SYT3: variants seen among roughly 807,000 people sequenced by gnomAD.
SYT3 encodes the protein synaptotagmin-3.
A neutral mutation model predicts 50.6 loss-of-function variants in SYT3; 25 were observed. That is an observed-to-expected ratio of 0.49 (90% CI 0.36 to 0.69). The LOEUF (loss-of-function observed/expected upper bound fraction) is 0.69. Among genes scored for constraint, SYT3 ranks in the 30% least tolerant of loss-of-function variants. SYT3 has a pLI of 0.00. For missense variants in SYT3, 589 were observed against 793.6 expected, an observed-to-expected ratio of 0.74 and a Z score of 3.10; for synonymous variants, 323 against 353.9, an observed-to-expected ratio of 0.91 and a Z score of 0.98.
chr19:50,632,453 C>T lies in SYT3; in HGVS notation c.507G>A (p.Glu169=), dbSNP rs372605965. The T allele has an allele frequency of 6.2e-6, 10 of 1,613,518 alleles. No individual in the cohort carries two copies. Among genetic ancestry groups the T allele is most frequent in the Non-Finnish European group, 8.5e-6 (10 of 1,179,886 alleles). The change falls in exon 4 of 11, where the codon GAG becomes GAA. Residue 169 remains glutamate, a synonymous_variant. Coordinates refer to ENST00000600079, the MANE Select transcript of SYT3 (RefSeq NM_001160329.2). This position sits in a 1 kb window ranked among gnomAD's most constrained non-coding sequence, Gnocchi z 4.7. ...CAGCGGCCACTGCTGCTGCTGCAGC[C>T]TCTGGATACGAGTCCATGTCCAAGT... is the stretch of plus-strand genomic sequence containing the variant. ...PSYLDMDSYP[E]AAAAAVAAGV...
upstream of SYT3, among the ~76,000 whole-genome samples, chr19:50,644,094 C>T (rs1378444370): frequency 6.6e-6 from 1 of 152,204 alleles, no homozygotes; most frequent in Non-Finnish European, 1.5e-5. Flanking sequence ...TTGTTTTGTT[C>T]ATAGCTGTGT....
chr19:50,629,144 A>T (rs1984181994), intron 6 of SYT3, 150 bp downstream of exon 6: 1 of 672,464 alleles, frequency 1.5e-6, no homozygotes, highest in African/African-American at 1.8e-5. Context: ...CTTGCCTGTA[A>T]GTTTGCAGTC....
chr19:50,630,026 G>A lies in SYT3; in HGVS notation c.820C>T (p.Leu274=). 6.2e-7 allele frequency: 1 copy of A among 1,614,072 alleles called. No individual in the cohort carries two copies. Among genetic ancestry groups the A allele is most frequent in the Non-Finnish European group, 8.5e-7 (1 of 1,179,990 alleles). ...AKLIGQIKPE[L]YQGTGPGGRR... Reference sequence around the variant, plus strand: ...CCACCAGGGCCAGTCCCCTGGTACAGCTCTGGCTTAATCTGCCCAATGAGT... The same window carrying A: ...CCACCAGGGCCAGTCCCCTGGTACAACTCTGGCTTAATCTGCCCAATGAGT... Residue 274 remains leucine (L), a synonymous_variant, in exon 5 of 11, where the codon CTG becomes TTG. Transcript: ENST00000600079.
upstream of SYT3, among the ~76,000 whole-genome samples, chr19:50,641,334 C>T (rs1285229839): frequency 4.0e-5 from 6 of 151,014 alleles, no homozygotes; most frequent in Non-Finnish European, 8.9e-5. Flanking sequence ...CGCCTGCCAC[C>T]GTGCCCGGCT....
chr19:50,625,339 C>G lies in SYT3; in HGVS notation c.1575-45G>C. The G allele has an allele frequency of 6.5e-7, 1 of 1,536,476 alleles. No individual in the cohort carries two copies. The highest frequency in any genetic ancestry group is 8.7e-7 in the Non-Finnish European group (1 of 1,143,178). ...AGGACCGTGGAGGGTGGTGGGAGGG[C>G]CTGTCCCCACCCCAGCCCTCCTGCC... On this transcript the variant is annotated intron_variant, in intron 8 of 10. Coordinates refer to ENST00000600079, the MANE Select transcript of SYT3 (RefSeq NM_001160329.2). This position sits in a 1 kb window ranked among gnomAD's most constrained non-coding sequence, Gnocchi z 7.5.
the SYT3 span, among the ~76,000 whole-genome samples, chr19:50,650,481 C>T: frequency 3.9e-4 from 59 of 152,314 alleles, no homozygotes; most frequent in Non-Finnish European, 6.6e-4. Flanking sequence ...GCCAGCCAGC[C>T]TGGCCAACAT....
chr19:50,652,470 G>A, the SYT3 span, among the ~76,000 whole-genome samples: 1 of 152,222 alleles, frequency 6.6e-6, no homozygotes, highest in African/African-American at 2.4e-5. Context: ...AATGGCATCA[G>A]TGGACCCTCA....
At position 50,637,419 on chromosome 19, in the gene SYT3, G is replaced by A. The variant is rs201745122; in HGVS notation, c.-8C>T. 151 of 1,591,232 alleles carry A rather than the reference G, an allele frequency of 9.5e-5. No homozygotes were observed. Among genetic ancestry groups the A allele is most frequent in the African/African-American group, 1.6e-4 (12 of 74,734 alleles). ...CTCGTAGTCTCCTGACATGGTGGCC[G>A]TCTGGTCCTGTGTGTGGGAGGGATG... On this transcript the variant is annotated 5_prime_UTR_variant, in exon 3 of 11. The change creates a new upstream start codon in the 5' untranslated region. Coordinates refer to ENST00000600079, the MANE Select transcript of SYT3 (RefSeq NM_001160329.2). The surrounding 1 kb of genome is among the most constrained non-coding windows in gnomAD (Gnocchi z 4.9).
upstream of SYT3, among the ~76,000 whole-genome samples, chr19:50,642,877 G>A (rs993969005): frequency 1.3e-5 from 2 of 152,142 alleles, no homozygotes; most frequent in African/African-American, 4.8e-5. Flanking sequence ...ATCTCACTGG[G>A]TTATTTTGAG....
the SYT3 span, chr19:50,658,013 G>C: frequency 6.5e-7 from 1 of 1,535,190 alleles, no homozygotes; most frequent in East Asian, 2.4e-5. Flanking sequence ...TACCCACCTG[G>C]AGGTGCTGCA....
rs140361699 is a variant in SYT3 at position 50,631,579 on chromosome 19, T to G, written c.674+707A>C. On this transcript the variant is annotated intron_variant, in intron 4 of 10. Transcript: ENST00000600079. ...ATGCACTAGGATCTCGTTCTCCTCT[T>G]GTCTTTGCCTGGGCCTCTCCTTTCA... Among the ~76,000 whole-genome samples the G allele has an allele frequency of 1.3e-4, 20 of 152,274 alleles. No homozygotes were observed. The East Asian group carries it at 3.9e-3, about 29-fold the overall frequency.
chr19:50,627,726 CAA>C (rs36099001), intron 6 of SYT3, among the ~76,000 whole-genome samples: 3,402 of 96,394 alleles, frequency 0.035, 43 homozygotes, highest in African/African-American at 0.061. Context: ...GACTCTGTCT[CAA>C]AAAAAAAAAA....
chr19:50,647,783 T>C, the SYT3 span, among the ~76,000 whole-genome samples: 1 of 151,822 alleles, frequency 6.6e-6, no homozygotes, highest in East Asian at 1.9e-4. Flanking sequence ...GCAGAAGGAA[T>C]AGAACTTGGA....
intron 9 of SYT3, among the ~76,000 whole-genome samples, chr19:50,623,613 CAAAAAA>C (rs529397903): frequency 2.3e-4 from 21 of 91,606 alleles, no homozygotes; most frequent in African/African-American, 5.2e-4. Flanking sequence ...CCTGTCTCTA[CAAAAAA>C]AAAAAAAAAA....
the SYT3 span, among the ~76,000 whole-genome samples, chr19:50,655,486 T>C: frequency 6.6e-6 from 1 of 151,926 alleles, no homozygotes; most frequent in African/African-American, 2.4e-5. Flanking sequence ...CCGTCTCTAC[T>C]AAAAATACAA....
At position 50,632,867 on chromosome 19, in the gene SYT3, C is replaced by T. The variant is rs1984369218; in HGVS notation, c.149-56G>A. The T allele has an allele frequency of 4.3e-6, 6 of 1,379,552 alleles. No individual in the cohort carries two copies. Among genetic ancestry groups the T allele is most frequent in the African/African-American group, 2.9e-5 (2 of 68,982 alleles). 85.5% of individuals were successfully genotyped at this position (1,379,552 alleles called of 1,614,324 possible). The stretch of plus-strand genomic sequence containing the variant: ...AGGATGGGGTCACAGTACATCCTCC[C>T]TCTGCTGTCCCCAAAGAGTTAACCC... On this transcript the variant is annotated intron_variant, in intron 3 of 10. Transcript: ENST00000600079. This position sits in a 1 kb window ranked among gnomAD's most constrained non-coding sequence, Gnocchi z 4.7.
In SYT3 at chr19:50,625,080, C is replaced by A. The variant is rs755124265; in HGVS notation, c.1707+82G>T. The A allele has an allele frequency of 6.6e-6, 9 of 1,364,828 alleles. No individual in the cohort carries two copies. Among genetic ancestry groups the A allele is most frequent in the Non-Finnish European group, 8.6e-6 (9 of 1,049,214 alleles). The allele number at this position is 1,364,828 out of a possible 1,614,324, so 84.5% of individuals were successfully genotyped here. A position where few individuals can be genotyped will look rare whatever the true frequency, so the allele number is the denominator to read the frequency against. ...GACGCCTGGCTCTGCGACTCACGAACATGCAGGGCGTTCGTTGCATGGATG... is the reference window on the plus strand; with the variant it reads ...GACGCCTGGCTCTGCGACTCACGAAAATGCAGGGCGTTCGTTGCATGGATG... On this transcript the variant is annotated intron_variant, in intron 9 of 10. Coordinates refer to ENST00000600079, the MANE Select transcript of SYT3 (RefSeq NM_001160329.2). This position sits in a 1 kb window ranked among gnomAD's most constrained non-coding sequence, Gnocchi z 7.5.
chr19:50,640,885 C>T (rs1342336745), upstream of SYT3, among the ~76,000 whole-genome samples: 1 of 152,110 alleles, frequency 6.6e-6, no homozygotes, highest in Admixed American at 6.5e-5. Flanking sequence ...CTCGGAGGCC[C>T]CCTCAGTGCT....
intron 4 of SYT3, among the ~76,000 whole-genome samples, chr19:50,631,157 TTC>T (rs1984286847): frequency 1.4e-5 from 1 of 72,460 alleles, no homozygotes; most frequent in Non-Finnish European, 2.7e-5. Context: ...TTTTTCTTTT[TTC>T]TTTCTTTCTT....
Sources: gnomAD v4.1 joint callset for allele counts (sites outside exome capture counted in the v4.1 genomes callset) on GRCh38, gnomAD v4.1.1 for gene constraint, Gnocchi (gnomAD v3.1) non-coding constraint, MANE v1.5 for transcripts, NCBI Gene and HGNC (gene_info 2026-07-23, HGNC 2026-07-21) for gene names.